ZMYM2: variants seen among roughly 807,000 people sequenced by gnomAD.
ZMYM2 encodes the protein zinc finger MYM-type protein 2.
A neutral mutation model predicts 162.8 loss-of-function variants in ZMYM2; 56 were observed. The ratio of observed to expected loss-of-function variants is 0.34; its 90% CI spans 0.28 to 0.43. The LOEUF is 0.43. Ranked by LOEUF, ZMYM2 falls within the 20% of genes least tolerant of loss-of-function variation. The probability of loss-of-function intolerance (pLI) is 1.00; values close to 1 mark genes in which losing one functional copy is unlikely to be tolerated. For missense variants in ZMYM2, 1,275 were observed against 1,621.8 expected, an observed-to-expected ratio of 0.79 and a Z score of 3.67; for synonymous variants, 510 against 541.6, an observed-to-expected ratio of 0.94 and a Z score of 0.81.
chr13:19,940,413 C>T, the ZMYM2 span, among the ~76,000 whole-genome samples: 1 of 152,212 alleles, frequency 6.6e-6, no homozygotes, highest in Non-Finnish European at 1.5e-5. Context: ...AACAAAATCA[C>T]TACATTTTCC....
At chr13:19,901,858 T>C in the ZMYM2 span, among the ~76,000 whole-genome samples, 1 of 152,158 alleles carries the variant, frequency 6.6e-6, no homozygotes, top group Non-Finnish European at 1.5e-5. Flanking sequence ...AGTGGTGTGA[T>C]CATGGCTCAC....
intron 6 of ZMYM2, among the ~76,000 whole-genome samples, chr13:20,015,537 A>T (rs982779156): frequency 6.6e-6 from 1 of 152,186 alleles, no homozygotes; most frequent in Non-Finnish European, 1.5e-5. Context: ...TGGTTTGTCC[A>T]CTATTGTAAA....
chr13:19,946,444 G>T, the ZMYM2 span, among the ~76,000 whole-genome samples: 1 of 152,176 alleles, frequency 6.6e-6, no homozygotes, highest in Non-Finnish European at 1.5e-5. Flanking sequence ...TACTTCTCTG[G>T]TTCTTCTAAA....
chr13:19,868,706 T>C, the ZMYM2 span, among the ~76,000 whole-genome samples: 1 of 152,302 alleles, frequency 6.6e-6, no homozygotes, highest in South Asian at 2.1e-4. Context: ...ATTTCTTTTG[T>C]CTCATGCCAA....
intron 2 of ZMYM2, among the ~76,000 whole-genome samples, chr13:19,968,629 T>G (rs1334392460): frequency 1.3e-5 from 2 of 152,204 alleles, no homozygotes; most frequent in African/African-American, 4.8e-5. Context: ...CTTACTATGC[T>G]TTTAACTTTC....
At chr13:20,013,110 A>G (rs1169701604) in intron 6 of ZMYM2, among the ~76,000 whole-genome samples, 1 of 152,232 alleles carries the variant, frequency 6.6e-6, no homozygotes, top group Non-Finnish European at 1.5e-5. Context: ...TTATGAAGAC[A>G]TACCATTTAT....
At chr13:19,956,932 G>A (rs926892701), upstream of ZMYM2, among the ~76,000 whole-genome samples, 2 of 152,098 alleles carry the variant, frequency 1.3e-5, no homozygotes, top group Non-Finnish European at 2.9e-5. Flanking sequence ...CTGTTGTGAT[G>A]ATAGTTTTTC....
At chr13:20,003,265 G>A in intron 4 of ZMYM2, 130 bp downstream of exon 4, 19 of 1,108,622 alleles carry the variant, frequency 1.7e-5, no homozygotes, top group Non-Finnish European at 2.3e-5. Flanking sequence ...ATGGATAAAA[G>A]GCTTCCTGTT....
chr13:19,921,427 A>G, the ZMYM2 span, among the ~76,000 whole-genome samples: 83 of 152,182 alleles, frequency 5.5e-4, no homozygotes, highest in African/African-American at 1.9e-3. Flanking sequence ...GGCGTGAACC[A>G]CGGCGCCCAA....
chr13:19,885,939 A>ATATGTGTATACACACATATATGTGTG, the ZMYM2 span, among the ~76,000 whole-genome samples: 20 of 121,278 alleles, frequency 1.6e-4, 5 homozygotes, highest in Non-Finnish European at 2.6e-4. Context: ...GTATACACAT[A>ATATGTGTATACACACATATATGTGTG]TATATGTATA....
chr13:20,066,707 C>G, intron 19 of ZMYM2, 144 bp from the exon 20 acceptor site: 1 of 666,546 alleles, frequency 1.5e-6, no homozygotes, highest in Non-Finnish European at 2.2e-6. Flanking sequence ...GAAAAACATA[C>G]GTGTCCAAGT....
the ZMYM2 span, among the ~76,000 whole-genome samples, chr13:19,953,499 A>G: frequency 2.0e-5 from 3 of 152,068 alleles, no homozygotes; most frequent in Non-Finnish European, 4.4e-5. Flanking sequence ...CCTGGCCAAC[A>G]TGGTGAAACC....
the ZMYM2 span, among the ~76,000 whole-genome samples, chr13:19,923,337 A>G: frequency 8.8e-6 from 1 of 113,106 alleles, no homozygotes; most frequent in Admixed American, 1.3e-4. Context: ...AGCCTGGGCG[A>G]CACAGCGAGA....
intron 14 of ZMYM2, among the ~76,000 whole-genome samples, chr13:20,054,818 A>G (rs1203063069): frequency 6.6e-6 from 1 of 152,142 alleles, no homozygotes; most frequent in East Asian, 1.9e-4. Flanking sequence ...GAACTTTCCT[A>G]ATGCCTGGTA....
At chr13:19,992,157 C>A (rs9315272) in intron 2 of ZMYM2, among the ~76,000 whole-genome samples, 1 of 152,122 alleles carries the variant, frequency 6.6e-6, no homozygotes, top group Non-Finnish European at 1.5e-5. Context: ...GCAAAAAAAA[C>A]AATTTATGCT....
intron 10 of ZMYM2, 114 bp from the exon 11 acceptor site, chr13:20,034,140 C>T: frequency 2.1e-6 from 2 of 968,302 alleles, no homozygotes; most frequent in African/African-American, 1.7e-5. Context: ...AATCTATCCC[C>T]AAGGGTCTTA....
At chr13:19,969,966 T>A in intron 2 of ZMYM2, 13 of 860,312 alleles carry the variant, frequency 1.5e-5, no homozygotes, top group Non-Finnish European at 1.8e-5. Flanking sequence ...ACCTGAAGTC[T>A]ACCTTATTGG....
intron 2 of ZMYM2, among the ~76,000 whole-genome samples, chr13:19,969,113 CT>C (rs772016267): frequency 2.0e-5 from 3 of 152,142 alleles, no homozygotes; most frequent in Non-Finnish European, 2.9e-5. Context: ...AGTGTTTAAA[CT>C]TTAAAATGTA....
At chr13:20,046,078 C>CAAA (rs34444937) in intron 12 of ZMYM2, among the ~76,000 whole-genome samples, 1 of 96,878 alleles carries the variant, frequency 1.0e-5, no homozygotes, top group Non-Finnish European at 2.3e-5. Context: ...CCCATCTCTG[C>CAAA]AAAAAAAAAA....
Sources: allele counts gnomAD v4.1 joint callset (sites outside exome capture counted in the v4.1 genomes callset), GRCh38; gene constraint gnomAD v4.1.1; transcripts MANE v1.5; gene names NCBI Gene and HGNC (gene_info 2026-07-23, HGNC 2026-07-21).